STXBP4: variants seen among roughly 807,000 people sequenced by gnomAD.
STXBP4 encodes syntaxin binding protein 4.
In STXBP4, 55 loss-of-function variants were observed where a neutral mutation model predicts 76.1. The observed-to-expected ratio is 0.72, with a 90% CI of 0.58 to 0.91. The LOEUF (loss-of-function observed/expected upper bound fraction) is 0.91, where lower values mean the gene tolerates loss of function less well. Among genes scored for constraint, STXBP4 ranks in the 40% least tolerant of loss-of-function variants. STXBP4 has a pLI of 0.00. For synonymous variants in STXBP4, 201 were observed against 220.2 expected, an observed-to-expected ratio of 0.91 and a Z score of 0.77; for missense variants, 618 against 636.9, an observed-to-expected ratio of 0.97 and a Z score of 0.32.
rs1274356839 is a variant in STXBP4, at chr17:55,171,578, C to A, written c.*11667C>A. On this transcript the variant is annotated 3_prime_UTR_variant, in exon 18 of 18. Transcript: ENST00000376352. Reference sequence around the variant, plus strand: ...CAGATTCCAGTCCGTTTTGACCATACCCCATCATGGTATTTTAGAGTACAC... The same window carrying A: ...CAGATTCCAGTCCGTTTTGACCATAACCCATCATGGTATTTTAGAGTACAC... 2.0e-5 allele frequency: 3 copies of A among 152,188 alleles called. No homozygotes were observed. The highest frequency in any genetic ancestry group is 2.9e-5 in the Non-Finnish European group (2 of 68,032). The allele number at this position is 152,188 out of a possible 1,614,324, so 9.4% of individuals were successfully genotyped here.
At chr17:55,054,829 A>AT (rs1310375754) in intron 12 of STXBP4, among the ~76,000 whole-genome samples, 5 of 152,154 alleles carry the variant, frequency 3.3e-5, no homozygotes, top group African/African-American at 1.2e-4. Context: ...GGAAAATGTA[A>AT]TTTTAACTGA....
chr17:55,093,294 CTG>C (rs1427134800), intron 16 of STXBP4, among the ~76,000 whole-genome samples: 1 of 152,112 alleles, frequency 6.6e-6, no homozygotes, highest in African/African-American at 2.4e-5. Context: ...CCAGCCAAAA[CTG>C]TGTTTCTTTA....
At position 55,009,583 on chromosome 17, in the gene STXBP4, C is replaced by T. The variant is rs1237688118; in HGVS notation, c.666+1986C>T. Among the ~76,000 whole-genome samples, 22 of 151,976 alleles carry T rather than the reference C, an allele frequency of 1.4e-4. 1 individual carries two copies. Among genetic ancestry groups the T allele is most frequent in the Admixed American group, 1.4e-3 (22 of 15,250 alleles). The stretch of plus-strand genomic sequence containing the variant: ...TTGCTTGGCCATTAAATCTGAATTC[C>T]AGTTTTGGTTCCCCTTTAAGCCTTA... On this transcript the variant is annotated intron_variant, in intron 8 of 17. Coordinates refer to ENST00000376352, the MANE Select transcript of STXBP4 (RefSeq NM_178509.6).
intron 12 of STXBP4, among the ~76,000 whole-genome samples, chr17:55,047,829 C>T (rs1289151651): frequency 4.0e-5 from 6 of 151,446 alleles, no homozygotes; most frequent in Middle Eastern, 3.4e-3. Flanking sequence ...GACTATGTGA[C>T]AAAAAAACAC....
At chr17:55,005,918 GA>G (rs2077998110) in intron 7 of STXBP4, among the ~76,000 whole-genome samples, 1 of 151,434 alleles carries the variant, frequency 6.6e-6, no homozygotes, top group Non-Finnish European at 1.5e-5. Flanking sequence ...CTTAAGAGAG[GA>G]AAAAAATTAT....
At chr17:55,071,231 A>C (rs142593877) in intron 12 of STXBP4, among the ~76,000 whole-genome samples, 3 of 152,120 alleles carry the variant, frequency 2.0e-5, no homozygotes, top group African/African-American at 7.2e-5. Context: ...ATCATTTCCC[A>C]TCTTACCCTG....
At chr17:55,075,150 C>G (rs1354911608) in intron 13 of STXBP4, among the ~76,000 whole-genome samples, 1 of 152,050 alleles carries the variant, frequency 6.6e-6, no homozygotes, top group Non-Finnish European at 1.5e-5. Flanking sequence ...ATCTCCCACC[C>G]TTTCCCTCAG....
intron 3 of STXBP4, among the ~76,000 whole-genome samples, chr17:54,987,085 G>A (rs2077637085): frequency 6.6e-6 from 1 of 152,150 alleles, no homozygotes; most frequent in South Asian, 2.1e-4. Context: ...GAAAATTCAA[G>A]GAGTGGAGAT....
chr17:55,005,221 G>A (rs964309997), intron 7 of STXBP4, among the ~76,000 whole-genome samples: 2 of 152,092 alleles, frequency 1.3e-5, no homozygotes, highest in Non-Finnish European at 2.9e-5. Context: ...AGGCAGTCTG[G>A]TTTATTCCCT....
intron 12 of STXBP4, among the ~76,000 whole-genome samples, chr17:55,053,015 C>T (rs537477973): frequency 2.2e-5 from 3 of 134,892 alleles, no homozygotes; most frequent in Non-Finnish European, 3.1e-5. Context: ...TAAAAGTTTA[C>T]AGGTTAAAAG....
chr17:55,087,576 G>C (rs976239470), intron 16 of STXBP4, among the ~76,000 whole-genome samples: 2 of 152,052 alleles, frequency 1.3e-5, no homozygotes, highest in Non-Finnish European at 2.9e-5. Context: ...TTAATTTCTG[G>C]GTTGTCTATT....
downstream of STXBP4, among the ~76,000 whole-genome samples, chr17:55,174,020 T>A (rs555040344): frequency 6.6e-6 from 1 of 152,316 alleles, no homozygotes; most frequent in South Asian, 2.1e-4. Context: ...CTTTCTTCCA[T>A]TGTCATATCT....
intron 1 of STXBP4, among the ~76,000 whole-genome samples, chr17:54,984,334 TTTTTC>T (rs201204538): frequency 0.13 from 15,115 of 117,380 alleles, 1,216 homozygotes; most frequent in Non-Finnish European, 0.18. Context: ...CTCTTTTTCT[TTTTTC>T]TTTTTTTTTT....
In STXBP4 at chr17:55,162,215, A is replaced by G. The variant is rs1225980255; in HGVS notation, c.*2304A>G. 6.6e-6 allele frequency: 1 copy of G among 152,192 alleles called. No individual in the cohort carries two copies. Among genetic ancestry groups the G allele is most frequent in the Non-Finnish European group, 1.5e-5 (1 of 68,044 alleles). 9.4% of individuals were successfully genotyped at this position (152,192 alleles called of 1,614,324 possible). ...TAAACCATCAGGTCGGTGCCATAAG[A>G]GATGCTCAAAAAAGCATGGTCAGGG... On this transcript the variant is annotated 3_prime_UTR_variant, in exon 18 of 18. Coordinates refer to ENST00000376352, the MANE Select transcript of STXBP4 (RefSeq NM_178509.6).
intron 12 of STXBP4, among the ~76,000 whole-genome samples, chr17:55,051,423 A>T (rs1200268729): frequency 6.6e-6 from 1 of 152,162 alleles, no homozygotes; most frequent in Non-Finnish European, 1.5e-5. Context: ...GGAATTTCAT[A>T]CAAGTCCTAA....
chr17:55,079,740 G>A (rs2079233392), intron 15 of STXBP4, among the ~76,000 whole-genome samples: 1 of 152,044 alleles, frequency 6.6e-6, no homozygotes, highest in African/African-American at 2.4e-5. Context: ...TCATACCACT[G>A]CCCTCCAGCC....
intron 4 of STXBP4, among the ~76,000 whole-genome samples, chr17:54,995,885 G>A (rs1033363902): frequency 6.6e-6 from 1 of 152,032 alleles, no homozygotes; most frequent in Non-Finnish European, 1.5e-5. Context: ...AACCTATTGT[G>A]GACTTACTGT....
chr17:55,169,830 A>G lies in STXBP4; in HGVS notation c.*9919A>G, dbSNP rs1035876720. On this transcript the variant is annotated 3_prime_UTR_variant, in exon 18 of 18. Coordinates refer to ENST00000376352, the MANE Select transcript of STXBP4 (RefSeq NM_178509.6). ...GACATTCAAGCAATTGAATGTCTAA[A>G]CAATCCAAGACAGATAATTTTGTAG... The G allele has an allele frequency of 6.6e-6, 1 of 152,226 alleles. No homozygotes were observed. The highest frequency in any genetic ancestry group is 1.5e-5 in the Non-Finnish European group (1 of 68,042). The allele number at this position is 152,226 out of a possible 1,614,324, so 9.4% of individuals were successfully genotyped here.
At chr17:55,048,424 G>T (rs145428194) in intron 12 of STXBP4, among the ~76,000 whole-genome samples, 1 of 151,632 alleles carries the variant, frequency 6.6e-6, no homozygotes, top group South Asian at 2.1e-4. Flanking sequence ...ATTATAAAAC[G>T]ACTGAAAAAG....
Sources: gnomAD v4.1 joint callset for allele counts (sites outside exome capture counted in the v4.1 genomes callset) on GRCh38, gnomAD v4.1.1 for gene constraint, MANE v1.5 for transcripts, NCBI Gene and HGNC (gene_info 2026-07-23, HGNC 2026-07-21) for gene names.